DNAL4: variants seen among roughly 807,000 people sequenced by gnomAD.
DNAL4 encodes dynein light chain, outer arm 4.
In DNAL4, 10 loss-of-function variants were observed where a neutral mutation model predicts 12.6. That is an observed-to-expected ratio of 0.79 (90% CI 0.49 to 1.34). The LOEUF is 1.34. DNAL4 is among the 40% of genes most tolerant of loss of function. The probability of loss-of-function intolerance (pLI) is 0.00; values close to 1 mark genes in which losing one functional copy is unlikely to be tolerated. For synonymous variants in DNAL4, 46 were observed against 53.1 expected (o/e 0.87, Z 0.58); for missense variants, 128 against 138.1 (o/e 0.93, Z 0.37).
intron 1 of DNAL4, among the ~76,000 whole-genome samples, chr22:38,784,986 C>G (rs565181312): frequency 7.1e-4 from 104 of 145,598 alleles, no homozygotes; most frequent in African/African-American, 2.6e-3. Flanking sequence ...CCCCCCCCCC[C>G]ATCCAATGAC....
chr22:38,782,579 T>C lies in DNAL4; in HGVS notation c.69+84A>G. On this transcript the variant is annotated intron_variant, in intron 2 of 3. Transcript: ENST00000216068. The surrounding 1 kb of genome is among the most constrained non-coding windows in gnomAD (Gnocchi z 5.1). ...CCTTCTTAACTTCCTCCCACTGCCATCCTGCAAGGGACAAGCTCCACCCAC... is the reference window on the plus strand; with the variant it reads ...CCTTCTTAACTTCCTCCCACTGCCACCCTGCAAGGGACAAGCTCCACCCAC... The C allele has an allele frequency of 7.0e-7, 1 of 1,427,976 alleles. No individual in the cohort carries two copies. The highest frequency in any genetic ancestry group is 9.7e-7 in the Non-Finnish European group (1 of 1,031,062). 88.5% of individuals were successfully genotyped at this position (1,427,976 alleles called of 1,614,324 possible).
chr22:38,782,837 G>A lies in DNAL4; in HGVS notation c.-106C>T, dbSNP rs933514821. Reference sequence around the variant, plus strand: ...TTCAGGAAGCAGGCCCTGCCAACTCGGTGGGAGCAGAAAATGTCTTTCCCC... The same window carrying A: ...TTCAGGAAGCAGGCCCTGCCAACTCAGTGGGAGCAGAAAATGTCTTTCCCC... On this transcript the variant is annotated 5_prime_UTR_variant, in exon 2 of 4. Coordinates refer to ENST00000216068, the MANE Select transcript of DNAL4 (RefSeq NM_005740.3). This position sits in a 1 kb window ranked among gnomAD's most constrained non-coding sequence, Gnocchi z 5.1. 10 of 1,052,026 alleles carry A rather than the reference G, an allele frequency of 9.5e-6. No homozygotes were observed. The highest frequency in any genetic ancestry group is 2.8e-5 in the Admixed American group (1 of 35,312). The allele number at this position is 1,052,026 out of a possible 1,614,324, so 65.2% of individuals were successfully genotyped here.
chr22:38,790,440 G>A lies in DNAL4; in HGVS notation c.-140+3628C>T, dbSNP rs569384386. Reference sequence around the variant, plus strand: ...TGGTGGAGTGAGGAATGATGCCCAGGAGGATGGTGATGCCACTGATGGGGA... The same window carrying A: ...TGGTGGAGTGAGGAATGATGCCCAGAAGGATGGTGATGCCACTGATGGGGA... On this transcript the variant is annotated intron_variant, in intron 1 of 3. Transcript: ENST00000216068. 1.5e-4 allele frequency among the ~76,000 whole-genome samples: 23 copies of A among 152,332 alleles called. No individual in the cohort carries two copies. In the East Asian group the frequency reaches 3.7e-3, roughly 24 times the overall value.
At chr22:38,791,316 C>G (rs1344210723) in intron 1 of DNAL4, among the ~76,000 whole-genome samples, 1 of 152,074 alleles carries the variant, frequency 6.6e-6, no homozygotes, top group South Asian at 2.1e-4. Flanking sequence ...CAGGACATTA[C>G]TGGACACCAC....
rs1485061000 is a variant in DNAL4 at position 38,794,056 on chromosome 22, C to T, written c.-140+12G>A. The T allele has an allele frequency of 6.6e-6, 1 of 152,274 alleles. No individual in the cohort carries two copies. The allele number at this position is 152,274 out of a possible 1,614,324, so 9.4% of individuals were successfully genotyped here. ...TCCCCGCCTGGCTGCCCGCCGCGCC[C>T]CGGGGCCTCACCTGCTCCTGCGGGG... is the stretch of plus-strand genomic sequence containing the variant. On this transcript the variant is annotated intron_variant, in intron 1 of 3. Transcript: ENST00000216068.
At position 38,782,461 on chromosome 22, in the gene DNAL4, A is replaced by G. The variant is rs1189886896; in HGVS notation, c.69+202T>C. ...CAGTGCCTAGAACAGTGCCCGGCATAGAGTAGGTGGCCCAATACTTGGTGA... is the reference window on the plus strand; with the variant it reads ...CAGTGCCTAGAACAGTGCCCGGCATGGAGTAGGTGGCCCAATACTTGGTGA... On this transcript the variant is annotated intron_variant, in intron 2 of 3. Transcript: ENST00000216068. This position sits in a 1 kb window ranked among gnomAD's most constrained non-coding sequence, Gnocchi z 5.1. Among the ~76,000 whole-genome samples, 1 of 152,218 alleles carries G rather than the reference A, an allele frequency of 6.6e-6. No individual in the cohort carries two copies. Among genetic ancestry groups the G allele is most frequent in the Non-Finnish European group, 1.5e-5 (1 of 68,036 alleles).
Position 38,779,189 on chromosome 22 carries a change from C to T in DNAL4, c.*260G>A, listed in dbSNP as rs1271856657. On this transcript the variant is annotated 3_prime_UTR_variant, in exon 4 of 4. Coordinates refer to ENST00000216068, the MANE Select transcript of DNAL4 (RefSeq NM_005740.3). The surrounding 1 kb of genome is among the most constrained non-coding windows in gnomAD (Gnocchi z 4.3). ...CTCCCACCTCCTCTACCCTGTCACACCGCCCCACCCCACGTCTCCCACACA... is the reference window on the plus strand; with the variant it reads ...CTCCCACCTCCTCTACCCTGTCACATCGCCCCACCCCACGTCTCCCACACA... 5.7e-6 allele frequency: 2 copies of T among 352,304 alleles called. No individual in the cohort carries two copies. The highest frequency in any genetic ancestry group is 2.1e-5 in the African/African-American group (1 of 48,532). The allele number at this position is 352,304 out of a possible 1,614,324, so 21.8% of individuals were successfully genotyped here.
chr22:38,790,091 G>A (rs1365533447), intron 1 of DNAL4, among the ~76,000 whole-genome samples: 1 of 152,070 alleles, frequency 6.6e-6, no homozygotes, highest in Non-Finnish European at 1.5e-5. Context: ...GGACTCAAGT[G>A]ATGCTCCCAC....
In DNAL4 at chr22:38,782,878, A is replaced by G. The variant is rs947033992; in HGVS notation, c.-139-8T>C. ...GTCTTTCCCCGGGGGGTGCTGCAGA[A>G]AACAGGAGAAACCAGAAAAAAAGAG... On this transcript the variant is annotated splice_region_variant and splice_polypyrimidine_tract_variant and intron_variant, in intron 1 of 3. Coordinates refer to ENST00000216068, the MANE Select transcript of DNAL4 (RefSeq NM_005740.3). This position sits in a 1 kb window ranked among gnomAD's most constrained non-coding sequence, Gnocchi z 5.1. 1 of 640,988 alleles carries G rather than the reference A, an allele frequency of 1.6e-6. No homozygotes were observed. The allele number at this position is 640,988 out of a possible 1,614,324, so 39.7% of individuals were successfully genotyped here. A position where few individuals can be genotyped will look rare whatever the true frequency, so the allele number is the denominator to read the frequency against.
intron 1 of DNAL4, among the ~76,000 whole-genome samples, chr22:38,791,381 C>A (rs2093050338): frequency 6.6e-6 from 1 of 151,802 alleles, no homozygotes; most frequent in Non-Finnish European, 1.5e-5. Flanking sequence ...TGAGATGAAT[C>A]TTGCTCTTGT....
intron 1 of DNAL4, among the ~76,000 whole-genome samples, chr22:38,784,287 C>T (rs1175846926): frequency 1.3e-5 from 2 of 152,108 alleles, no homozygotes; most frequent in African/African-American, 2.4e-5. Flanking sequence ...GCTGGTCAGT[C>T]GCTGGCCTGA....
chr22:38,782,458 C>T lies in DNAL4; in HGVS notation c.69+205G>A, dbSNP rs1472339195. 6.6e-6 allele frequency among the ~76,000 whole-genome samples: 1 copy of T among 152,230 alleles called. No homozygotes were observed. Among genetic ancestry groups the T allele is most frequent in the African/African-American group, 2.4e-5 (1 of 41,454 alleles). On this transcript the variant is annotated intron_variant, in intron 2 of 3. Transcript: ENST00000216068. The surrounding 1 kb of genome is among the most constrained non-coding windows in gnomAD (Gnocchi z 5.1). Reference sequence around the variant, plus strand: ...CCACAGTGCCTAGAACAGTGCCCGGCATAGAGTAGGTGGCCCAATACTTGG... The same window carrying T: ...CCACAGTGCCTAGAACAGTGCCCGGTATAGAGTAGGTGGCCCAATACTTGG...
At chr22:38,784,456 A>G (rs1203037509) in intron 1 of DNAL4, among the ~76,000 whole-genome samples, 3 of 151,562 alleles carry the variant, frequency 2.0e-5, no homozygotes, top group Admixed American at 2.0e-4. Flanking sequence ...CTATCATCCT[A>G]GAAGGGAGAC....
chr22:38,784,660 A>G (rs1325422941), intron 1 of DNAL4, among the ~76,000 whole-genome samples: 2 of 151,780 alleles, frequency 1.3e-5, no homozygotes, highest in South Asian at 2.1e-4. Context: ...ACAGGCGCCC[A>G]CCACCACGCC....
chr22:38,791,589 T>G (rs1203575539), intron 1 of DNAL4, among the ~76,000 whole-genome samples: 1 of 152,056 alleles, frequency 6.6e-6, no homozygotes, highest in African/African-American at 2.4e-5. Context: ...ATGGGGTTTC[T>G]CCATGTTGAT....
intron 1 of DNAL4, among the ~76,000 whole-genome samples, chr22:38,783,121 C>T (rs1201603415): frequency 6.6e-6 from 1 of 152,208 alleles, no homozygotes. Flanking sequence ...GTGGGCCAGG[C>T]CTGCAGGATG....
chr22:38,789,097 G>A lies in DNAL4; in HGVS notation c.-140+4971C>T, dbSNP rs553085408. 4.6e-5 allele frequency among the ~76,000 whole-genome samples: 7 copies of A among 152,246 alleles called. 1 individual carries two copies. Among genetic ancestry groups the A allele is most frequent in the Admixed American group, 1.3e-4 (2 of 15,298 alleles). On this transcript the variant is annotated intron_variant, in intron 1 of 3. Coordinates refer to ENST00000216068, the MANE Select transcript of DNAL4 (RefSeq NM_005740.3). The stretch of plus-strand genomic sequence containing the variant: ...CTGATCCTGAGCCAGGCACCAGAAT[G>A]GGCGATCTACATACAGGATGTCCCT...
Position 38,779,253 on chromosome 22 carries a change from G to A in DNAL4, c.*196C>T, listed in dbSNP as rs568385280. 1.8e-5 allele frequency: 13 copies of A among 707,220 alleles called. No individual in the cohort carries two copies. The highest frequency in any genetic ancestry group is 1.2e-4 in the African/African-American group (7 of 56,164). The allele number at this position is 707,220 out of a possible 1,614,324, so 43.8% of individuals were successfully genotyped here. A position where few individuals can be genotyped will look rare whatever the true frequency, so the allele number is the denominator to read the frequency against. ...TGCCCCGTCCACACCCTGAGACTCC[G>A]AGGGAGACGGTTGAGAGCCTGGGGA... On this transcript the variant is annotated 3_prime_UTR_variant, in exon 4 of 4. Transcript: ENST00000216068. The surrounding 1 kb of genome is among the most constrained non-coding windows in gnomAD (Gnocchi z 4.3).
chr22:38,781,444 C>T (rs1376428169), intron 2 of DNAL4, among the ~76,000 whole-genome samples: 2 of 152,148 alleles, frequency 1.3e-5, no homozygotes, highest in Admixed American at 1.3e-4. Flanking sequence ...CTCCTCCCAG[C>T]TCCTGGAGGG....
Sources: gnomAD v4.1 joint callset for allele counts (sites outside exome capture counted in the v4.1 genomes callset) on GRCh38, gnomAD v4.1.1 for gene constraint, Gnocchi (gnomAD v3.1) non-coding constraint, MANE v1.5 for transcripts, NCBI Gene and HGNC (gene_info 2026-07-23, HGNC 2026-07-21) for gene names.